The following C12orf42 variants were observed in gnomAD, a reference collection of about 807,000 sequenced individuals.
C12orf42 encodes uncharacterized protein C12orf42.
Under a neutral mutation model 21.6 loss-of-function variants are expected in C12orf42, and 25 were observed. The ratio of observed to expected loss-of-function variants is 1.16; its 90% CI spans 0.84 to 1.62. The LOEUF (loss-of-function observed/expected upper bound fraction) is 1.62. C12orf42 is among the 40% of genes most tolerant of loss of function. C12orf42 has a pLI of 0.00. For synonymous variants in C12orf42, 174 were observed against 175.0 expected (o/e 0.99, Z 0.05); for missense variants, 483 against 459.3 (o/e 1.05, Z -0.47).
chr12:103,398,228 A>G (rs953490822), intron 3 of C12orf42, among the ~76,000 whole-genome samples: 8 of 152,194 alleles, frequency 5.3e-5, no homozygotes, highest in Admixed American at 2.6e-4. Flanking sequence ...GTATGAAATC[A>G]TCTTTCATTA....
chr12:103,411,559 A>C (rs1566265628), intron 2 of C12orf42, among the ~76,000 whole-genome samples: 1 of 152,190 alleles, frequency 6.6e-6, no homozygotes, highest in African/African-American at 2.4e-5. Flanking sequence ...GTCTTTGGGA[A>C]GTGACTAGGT....
chr12:103,412,064 C>CA (rs1331139620), intron 2 of C12orf42, among the ~76,000 whole-genome samples: 4 of 152,092 alleles, frequency 2.6e-5, no homozygotes, highest in African/African-American at 9.7e-5. Flanking sequence ...ACAAAGGTGC[C>CA]ACATCAGGAC....
the C12orf42 span, among the ~76,000 whole-genome samples, chr12:103,091,308 T>C: frequency 6.6e-6 from 1 of 152,092 alleles, no homozygotes; most frequent in Non-Finnish European, 1.5e-5. Flanking sequence ...GATTATCCTG[T>C]TCATTGAACT....
chr12:103,100,761 G>T, the C12orf42 span, among the ~76,000 whole-genome samples: 1 of 152,200 alleles, frequency 6.6e-6, no homozygotes, highest in South Asian at 2.1e-4. Flanking sequence ...GCATAACCCA[G>T]TCTGGCTCTG....
chr12:103,271,208 C>T (rs1395626267), intron 5 of C12orf42, among the ~76,000 whole-genome samples: 3 of 152,126 alleles, frequency 2.0e-5, no homozygotes, highest in Non-Finnish European at 2.9e-5. Flanking sequence ...CAAGGTGTGT[C>T]GTGTGCACCC....
At chr12:103,164,183 G>C in the C12orf42 span, among the ~76,000 whole-genome samples, 1 of 152,164 alleles carries the variant, frequency 6.6e-6, no homozygotes, top group Non-Finnish European at 1.5e-5. Flanking sequence ...ACCATAAGTG[G>C]AATAAGAGTC....
At chr12:103,232,499 G>A in the C12orf42 span, among the ~76,000 whole-genome samples, 1 of 152,098 alleles carries the variant, frequency 6.6e-6, no homozygotes. Context: ...ATGAGGTCAG[G>A]AGATCGAGAC....
At chr12:103,557,965 A>T in the C12orf42 span, 1 of 152,218 alleles carries the variant, frequency 6.6e-6, no homozygotes, top group Non-Finnish European at 1.5e-5. Flanking sequence ...TGACTTCAAC[A>T]TTTGACACAG....
At chr12:103,455,601 C>T (rs1334045787) in intron 2 of C12orf42, among the ~76,000 whole-genome samples, 1 of 152,094 alleles carries the variant, frequency 6.6e-6, no homozygotes, top group Non-Finnish European at 1.5e-5. Context: ...ATCACTGTAC[C>T]ACAAGATCCC....
intron 2 of C12orf42, among the ~76,000 whole-genome samples, chr12:103,457,947 GAGA>G (rs1461345388): frequency 2.0e-5 from 3 of 152,162 alleles, no homozygotes; most frequent in African/African-American, 7.2e-5. Context: ...CATCGTAACT[GAGA>G]AGGAGAGGAG....
At chr12:103,181,715 CCTG>C in the C12orf42 span, among the ~76,000 whole-genome samples, 4 of 152,214 alleles carry the variant, frequency 2.6e-5, no homozygotes, top group Non-Finnish European at 5.9e-5. Context: ...GCAGGTACTG[CCTG>C]ACCTCTAGAG....
intron 4 of C12orf42, among the ~76,000 whole-genome samples, chr12:103,307,224 C>T (rs1312143299): frequency 1.3e-5 from 2 of 152,168 alleles, no homozygotes; most frequent in East Asian, 3.8e-4. Context: ...AGAGTTGAAA[C>T]TTGAATCCAC....
the C12orf42 span, among the ~76,000 whole-genome samples, chr12:103,561,373 G>A: frequency 3.9e-5 from 6 of 152,114 alleles, no homozygotes; most frequent in South Asian, 2.1e-4. Context: ...CCTTTCTCAC[G>A]GTTCTAGAGG....
rs11835304 is a variant in C12orf42 at position 103,382,245 on chromosome 12, T to A, written c.148-13247A>T. On this transcript the variant is annotated intron_variant, in intron 3 of 5. Coordinates refer to ENST00000548883, the MANE Select transcript of C12orf42 (RefSeq NM_198521.5). ...TGGCCAAATGACTAGAATAGAAAAT[T>A]GTGCTTCACAATTTCTATGGCTGAT... Among the ~76,000 whole-genome samples, 863 of 152,294 alleles carry A rather than the reference T, an allele frequency of 5.7e-3. 10 individuals are homozygous for A. Among genetic ancestry groups the A allele is most frequent in the African/African-American group, 0.02 (822 of 41,558 alleles).
At chr12:103,295,056 T>TAA (rs1464929082) in intron 4 of C12orf42, among the ~76,000 whole-genome samples, 2 of 152,186 alleles carry the variant, frequency 1.3e-5, no homozygotes, top group African/African-American at 4.8e-5. Flanking sequence ...TTGCTAAGGA[T>TAA]AATGGCCTCC....
chr12:103,198,753 G>GT, the C12orf42 span, among the ~76,000 whole-genome samples: 1 of 152,206 alleles, frequency 6.6e-6, no homozygotes, highest in African/African-American at 2.4e-5. Context: ...CCAGGGACAA[G>GT]TCCCTGTGTT....
the C12orf42 span, chr12:103,164,773 G>T: frequency 2.2e-6 from 1 of 450,748 alleles, no homozygotes; most frequent in Non-Finnish European, 4.5e-6. Flanking sequence ...AGTAGGCTTT[G>T]ATTCTGTCGT....
At chr12:103,228,752 C>T in the C12orf42 span, among the ~76,000 whole-genome samples, 3 of 151,902 alleles carry the variant, frequency 2.0e-5, no homozygotes, top group Non-Finnish European at 4.4e-5. Context: ...AGAGCAATTT[C>T]TCCTGTCTCT....
downstream of C12orf42, among the ~76,000 whole-genome samples, chr12:103,236,069 A>T (rs189300347): frequency 6.6e-6 from 1 of 151,992 alleles, no homozygotes; most frequent in African/African-American, 2.4e-5. Context: ...GAACTTCCAT[A>T]TTTTCCAAAT....
Sources: gnomAD v4.1 joint callset for allele counts (sites outside exome capture counted in the v4.1 genomes callset) on GRCh38, gnomAD v4.1.1 for gene constraint, MANE v1.5 for transcripts, NCBI Gene and HGNC (gene_info 2026-07-23, HGNC 2026-07-21) for gene names.